The following BMX variants were observed in gnomAD, a reference collection of about 807,000 sequenced individuals.
BMX encodes the protein cytoplasmic tyrosine-protein kinase BMX.
BMX carries 31 observed loss-of-function variants against 59.2 expected under a neutral mutation model. The observed-to-expected ratio is 0.52, with a 90% CI of 0.39 to 0.71. The LOEUF is 0.71. Among genes scored for constraint, BMX ranks in the 30% least tolerant of loss-of-function variants. BMX has a pLI of 0.00. For missense variants in BMX, 474 were observed against 491.7 expected, an observed-to-expected ratio of 0.96 and a Z score of 0.34; for synonymous variants, 185 against 181.0, an observed-to-expected ratio of 1.02 and a Z score of -0.18.
At chrX:15,527,283 T>TATATATATATATATATAC (rs1285065649) in intron 9 of BMX, among the ~76,000 whole-genome samples, 1 of 65,865 alleles carries the variant, frequency 1.5e-5, no homozygotes, top group Non-Finnish European at 2.7e-5. Flanking sequence ...TATATATATA[T>TATATATATATATATATAC]ACACACACAC....
chrX:15,527,210 A>AC (rs1924791277), intron 9 of BMX, among the ~76,000 whole-genome samples: 2 of 88,337 alleles, frequency 2.3e-5, no homozygotes, highest in African/African-American at 4.7e-5. Context: ...AAAAAAAAAA[A>AC]AAAAAAACAA....
chrX:15,505,527 G>T (rs1000887626), intron 1 of BMX, among the ~76,000 whole-genome samples: 7 of 112,202 alleles, frequency 6.2e-5, no homozygotes, highest in African/African-American at 2.3e-4. Context: ...TATTTGAAAA[G>T]AAAAACATCT....
intron 10 of BMX, 21 bp downstream of exon 10, chrX:15,530,048 A>T: frequency 8.4e-7 from 1 of 1,187,772 alleles, no homozygotes; most frequent in Non-Finnish European, 1.1e-6. Context: ...TTGTCTTTAA[A>T]ACAGCCTCAC....
chrX:15,505,637 T>C lies in BMX; in HGVS notation c.-9-2708T>C, dbSNP rs770007689. On this transcript the variant is annotated intron_variant, in intron 1 of 18. Transcript: ENST00000348343. ...TCTTAAAATGAAAGCAAAAAATGTA[T>C]AAAGGGCAGGATTTTGAAATGAACA... 2.9e-4 allele frequency among the ~76,000 whole-genome samples: 33 copies of C among 112,390 alleles called. No individual in the cohort carries two copies. In the South Asian group the frequency reaches 4.4e-3, roughly 15 times the overall value.
At chrX:15,523,539 T>C (rs1924568538) in intron 7 of BMX, among the ~76,000 whole-genome samples, 1 of 112,036 alleles carries the variant, frequency 8.9e-6, no homozygotes, top group South Asian at 3.7e-4. Flanking sequence ...ATGGTCCCTT[T>C]CATTCCAAAG....
intron 4 of BMX, among the ~76,000 whole-genome samples, chrX:15,512,351 G>GATTTT (rs759496829): frequency 0.033 from 3,463 of 105,352 alleles, 119 homozygotes; most frequent in African/African-American, 0.12. Flanking sequence ...GATGGAGGAA[G>GATTTT]ATTTTATTTT....
At chrX:15,550,290 AAAC>A (rs1926131301) in intron 18 of BMX, among the ~76,000 whole-genome samples, 1 of 111,639 alleles carries the variant, frequency 9.0e-6, no homozygotes, top group South Asian at 3.8e-4. Context: ...ACAGAAGAGT[AAAC>A]AAGGACTCAG....
rs1352490680 is a variant in BMX at position 15,541,965 on chromosome X, A to G, written c.1395-17A>G. On this transcript the variant is annotated splice_polypyrimidine_tract_variant and intron_variant, in intron 14 of 18. Transcript: ENST00000348343. ...TGGAGTGTGGAGCATTGAACTTTGA[A>G]AATCTGTTATTTCCAGGAAACTCAG... 1.7e-6 allele frequency: 2 copies of G among 1,195,910 alleles called. No individual in the cohort carries two copies. Among genetic ancestry groups the G allele is most frequent in the Non-Finnish European group, 2.3e-6 (2 of 882,687 alleles).
At chrX:15,534,394 C>A (rs1925234483) in intron 12 of BMX, 55 bp downstream of exon 12, 1 of 1,027,494 alleles carries the variant, frequency 9.7e-7, no homozygotes, top group African/African-American at 2.0e-5. Flanking sequence ...AGCAATTTTC[C>A]TGGATACTAC....
intron 14 of BMX, among the ~76,000 whole-genome samples, chrX:15,541,488 A>ATT (rs752873200): frequency 0.04 from 4,462 of 111,606 alleles, 227 homozygotes; most frequent in African/African-American, 0.13. Flanking sequence ...ATGTAAAATA[A>ATT]TTTTTTAAAA....
Position 15,511,486 on chromosome X carries a change from G to A in BMX, c.293G>A (p.Ser98Asn). 8.3e-7 allele frequency: 1 copy of A among 1,205,790 alleles called. No homozygotes were observed. The highest frequency in any genetic ancestry group is 1.1e-6 in the Non-Finnish European group (1 of 892,169). The change falls in exon 4 of 19, where the codon AGC becomes AAC. Residue 98 changes from serine to asparagine, a missense_variant. Transcript: ENST00000348343. ...LLYVYASNEE[S>N]RSQWLKALQK... ...TATGTCTATGCATCAAATGAAGAGAGCCGAAGTCAGTGGTTGAAAGCATTA... is the reference window on the plus strand; with the variant it reads ...TATGTCTATGCATCAAATGAAGAGAACCGAAGTCAGTGGTTGAAAGCATTA...
intron 1 of BMX, among the ~76,000 whole-genome samples, chrX:15,506,754 C>G (rs1200357925): frequency 1.8e-5 from 2 of 112,285 alleles, no homozygotes; most frequent in Non-Finnish European, 3.8e-5. Context: ...TCTTTGATCA[C>G]TGGGCAAAGA....
chrX:15,509,292 T>C (rs1445061348), intron 2 of BMX, 37 bp from the exon 3 acceptor site: 1 of 1,082,771 alleles, frequency 9.2e-7, no homozygotes, highest in African/African-American at 2.0e-5. Context: ...CCATGATGTA[T>C]TGCAGGAAGT....
chrX:15,525,995 T>C (rs1373782236), intron 8 of BMX, 47 bp from the exon 9 acceptor site: 16 of 1,111,704 alleles, frequency 1.4e-5, no homozygotes, highest in Non-Finnish European at 1.8e-5. Context: ...ACTTGGATTA[T>C]TTCTTGGTGC....
At chrX:15,525,707 A>G (rs1924683070) in intron 8 of BMX, among the ~76,000 whole-genome samples, 1 of 112,086 alleles carries the variant, frequency 8.9e-6, no homozygotes, top group Non-Finnish European at 1.9e-5. Context: ...TTTTAACTTG[A>G]TACTACAGCC....
intron 14 of BMX, among the ~76,000 whole-genome samples, chrX:15,540,802 G>A (rs1925634078): frequency 9.0e-6 from 1 of 111,407 alleles, no homozygotes; most frequent in African/African-American, 3.3e-5. Context: ...CAGAATCTAA[G>A]AGTAAAGTAC....
chrX:15,508,260 G>T, intron 1 of BMX, 85 bp from the exon 2 acceptor site: 1 of 618,668 alleles, frequency 1.6e-6, no homozygotes. Context: ...CCCTTAATAG[G>T]AAATCGTTGA....
In BMX at chrX:15,511,651, C is replaced by T. The variant is rs867697129; in HGVS notation, c.325+133C>T. On this transcript the variant is annotated intron_variant, in intron 4 of 18. Transcript: ENST00000348343. ...TGCCAAGAGACAATCTACTGATTTT[C>T]CTACCAACCTCAGGGAATGTGTCAG... 8.0e-6 allele frequency: 4 copies of T among 503,000 alleles called. No homozygotes were observed. The South Asian group carries it at 1.4e-4, about 17-fold the overall frequency. The allele number at this position is 503,000 out of a possible 1,213,427, so 41.5% of individuals were successfully genotyped here.
At chrX:15,546,058 A>G in intron 16 of BMX, among the ~76,000 whole-genome samples, 1 of 112,536 alleles carries the variant, frequency 8.9e-6, no homozygotes. Context: ...GAGTTATCTC[A>G]TTTTTGAATG....
Sources: gnomAD v4.1 joint callset for allele counts (sites outside exome capture counted in the v4.1 genomes callset) on GRCh38, gnomAD v4.1.1 for gene constraint, MANE v1.5 for transcripts, NCBI Gene and HGNC (gene_info 2026-07-23, HGNC 2026-07-21) for gene names.